THUMPD2: variants seen among roughly 807,000 people sequenced by gnomAD.
THUMPD2 encodes U6 snRNA (guanine-N(2))-methyltransferase THUMPD2.
THUMPD2 carries 56 observed loss-of-function variants against 49.4 expected under a neutral mutation model. The ratio of observed to expected loss-of-function variants is 1.13; its 90% confidence interval spans 0.91 to 1.41. The LOEUF (loss-of-function observed/expected upper bound fraction) is 1.41. Ranked by LOEUF, THUMPD2 falls within the 40% of genes most tolerant of loss-of-function variation. The pLI, the probability that THUMPD2 is intolerant of heterozygous loss-of-function variation, is 0.00. For synonymous variants in THUMPD2, 237 were observed against 205.2 expected (o/e 1.15, Z -1.32); for missense variants, 709 against 594.5 (o/e 1.19, Z -2.00).
chr2:39,768,805 G>C, intron 3 of THUMPD2: 2 of 918,056 alleles, frequency 2.2e-6, no homozygotes, highest in Non-Finnish European at 3.0e-6. Flanking sequence ...GATCATTCTG[G>C]GTTTCAGGAA....
At chr2:39,740,913 T>C (rs569098484) in intron 9 of THUMPD2, among the ~76,000 whole-genome samples, 1 of 152,260 alleles carries the variant, frequency 6.6e-6, no homozygotes, top group South Asian at 2.1e-4. Flanking sequence ...GTTCTTGCTA[T>C]GTTGTCCGGG....
At chr2:39,738,126 G>C (rs1041226997) in intron 9 of THUMPD2, among the ~76,000 whole-genome samples, 2 of 152,114 alleles carry the variant, frequency 1.3e-5, no homozygotes, top group Admixed American at 6.6e-5. Context: ...AGAGAAAATG[G>C]GACAGGGAGC....
chr2:39,769,600 G>T, intron 3 of THUMPD2, 110 bp downstream of exon 3: 1 of 1,140,474 alleles, frequency 8.8e-7, no homozygotes, highest in Non-Finnish European at 1.2e-6. Flanking sequence ...TACTCAGGAG[G>T]CTGAGGCAAA....
intron 1 of THUMPD2, among the ~76,000 whole-genome samples, chr2:39,774,142 C>G (rs1678752942): frequency 1.3e-5 from 2 of 152,208 alleles, no homozygotes; most frequent in South Asian, 4.1e-4. Flanking sequence ...GGGATGGCAT[C>G]CTATGCAGGG....
At chr2:39,755,544 T>G (rs1040130658) in intron 7 of THUMPD2, 135 bp from the exon 8 acceptor site, 2 of 607,922 alleles carry the variant, frequency 3.3e-6, no homozygotes, top group Non-Finnish European at 5.5e-6. Flanking sequence ...ACATTTAGGG[T>G]ATTCTTTTAA....
intron 1 of THUMPD2, among the ~76,000 whole-genome samples, chr2:39,776,321 C>G (rs1356966186): frequency 6.6e-6 from 1 of 151,496 alleles, no homozygotes; most frequent in Non-Finnish European, 1.5e-5. Context: ...ATAAAACTTA[C>G]AGAATTCCAA....
intron 1 of THUMPD2, 43 bp from the exon 2 acceptor site, chr2:39,771,683 G>C (rs773210251): frequency 6.4e-7 from 1 of 1,559,134 alleles, no homozygotes; most frequent in African/African-American, 1.4e-5. Context: ...CAGTGTCAGT[G>C]AAAAAACCAT....
chr2:39,752,991 G>C (rs1054102463), intron 8 of THUMPD2, among the ~76,000 whole-genome samples: 2 of 152,060 alleles, frequency 1.3e-5, no homozygotes, highest in African/African-American at 2.4e-5. Flanking sequence ...GGATATAGCA[G>C]ACAAGCAATT....
Position 39,761,362 on chromosome 2 carries a change from G to A in THUMPD2, c.860C>T (p.Ala287Val), listed in dbSNP as rs373324639. ...GTCAGCCAGAGATGCCATTGCCCAC[G>A]CTATTGTAGATCGCAGTCCAGCTGT... ...IKTAGLRSTI[A>V]WAMASLADIK... Residue 287 changes from alanine (A) to valine (V), a missense_variant, in exon 6 of 10, where the codon GCG becomes GTG. Coordinates refer to ENST00000505747, the MANE Select transcript of THUMPD2 (RefSeq NM_025264.5). The A allele has an allele frequency of 3.5e-5, 56 of 1,613,618 alleles. No individual in the cohort carries two copies. The highest frequency in any genetic ancestry group is 4.4e-5 in the Non-Finnish European group (52 of 1,179,752).
chr2:39,773,215 A>G (rs1249026737), intron 1 of THUMPD2, among the ~76,000 whole-genome samples: 2 of 152,216 alleles, frequency 1.3e-5, no homozygotes, highest in Non-Finnish European at 2.9e-5. Context: ...TTCAAAAAGT[A>G]AATTATCAAA....
intron 9 of THUMPD2, among the ~76,000 whole-genome samples, chr2:39,737,350 C>T (rs1326736669): frequency 2.0e-5 from 3 of 152,054 alleles, no homozygotes; most frequent in Admixed American, 2.0e-4. Flanking sequence ...AGGCAAATGA[C>T]AGAATCCTAA....
intron 6 of THUMPD2, among the ~76,000 whole-genome samples, chr2:39,758,168 T>A (rs562160462): frequency 2.6e-5 from 4 of 152,344 alleles, no homozygotes; most frequent in South Asian, 2.1e-4. Context: ...TTCAAATGTG[T>A]AGGTGATTAT....
chr2:39,740,204 G>A (rs980007820), intron 9 of THUMPD2, among the ~76,000 whole-genome samples: 1 of 152,162 alleles, frequency 6.6e-6, no homozygotes, highest in Admixed American at 6.5e-5. Flanking sequence ...ATGCAAGGAT[G>A]TTCAAAGAAT....
chr2:39,743,276 T>C (rs931013825), intron 9 of THUMPD2, among the ~76,000 whole-genome samples: 1 of 152,206 alleles, frequency 6.6e-6, no homozygotes, highest in African/African-American at 2.4e-5. Flanking sequence ...TTCATGTCCA[T>C]TCATAACTGT....
At chr2:39,772,250 C>T (rs891682089) in intron 1 of THUMPD2, among the ~76,000 whole-genome samples, 2 of 152,156 alleles carry the variant, frequency 1.3e-5, no homozygotes, top group Non-Finnish European at 2.9e-5. Flanking sequence ...CTTTATTATG[C>T]TGATTGATAG....
intron 5 of THUMPD2, among the ~76,000 whole-genome samples, chr2:39,762,360 C>T (rs1484181921): frequency 6.6e-6 from 1 of 152,124 alleles, no homozygotes; most frequent in Non-Finnish European, 1.5e-5. Context: ...TTCTTTCTTT[C>T]ACCATTTTGC....
At chr2:39,773,108 C>T (rs896575246) in intron 1 of THUMPD2, among the ~76,000 whole-genome samples, 1 of 152,140 alleles carries the variant, frequency 6.6e-6, no homozygotes, top group African/African-American at 2.4e-5. Context: ...ACCAGAACTT[C>T]CGGTTTCTAG....
chr2:39,771,485 T>G lies in THUMPD2; in HGVS notation c.262+20A>C, dbSNP rs750205544. 39 of 1,575,984 alleles carry G rather than the reference T, an allele frequency of 2.5e-5. No homozygotes were observed. The East Asian group carries it at 8.6e-4, about 35-fold the overall frequency. ...ATGTATCATGTGGGTAAAAGCAACA[T>G]GCATATGAATATGCCATACCTTTAC... On this transcript the variant is annotated intron_variant, in intron 2 of 9. Transcript: ENST00000505747.
chr2:39,738,212 G>T (rs1353059565), intron 9 of THUMPD2, among the ~76,000 whole-genome samples: 2 of 152,166 alleles, frequency 1.3e-5, no homozygotes, highest in Non-Finnish European at 2.9e-5. Context: ...CTGGACAACA[G>T]TTATGTCAAG....
Sources: allele counts gnomAD v4.1 joint callset (sites outside exome capture counted in the v4.1 genomes callset), GRCh38; gene constraint gnomAD v4.1.1; transcripts MANE v1.5; gene names NCBI Gene and HGNC (gene_info 2026-07-23, HGNC 2026-07-21).